COG5: variants seen among roughly 807,000 people sequenced by gnomAD.
The protein encoded by COG5 is conserved oligomeric Golgi complex subunit 5.
COG5 carries 86 observed loss-of-function variants against 110.4 expected under a neutral mutation model. That is an observed-to-expected ratio of 0.78 (90% CI 0.65 to 0.93). The LOEUF is 0.93. Among genes scored for constraint, COG5 ranks in the 40% least tolerant of loss-of-function variants. The probability of loss-of-function intolerance (pLI) is 0.00; values close to 1 mark genes in which losing one functional copy is unlikely to be tolerated. For synonymous variants in COG5, 360 were observed against 334.6 expected, an observed-to-expected ratio of 1.08 and a Z score of -0.83; for missense variants, 1,077 against 987.0, an observed-to-expected ratio of 1.09 and a Z score of -1.22.
chr7:107,203,007 C>G lies in COG5; in HGVS notation c.*509G>C, dbSNP rs1314947584. The G allele has an allele frequency of 6.6e-6, 1 of 152,424 alleles. No individual in the cohort carries two copies. The highest frequency in any genetic ancestry group is 1.5e-5 in the Non-Finnish European group (1 of 68,650). The allele number at this position is 152,424 out of a possible 1,614,324, so 9.4% of individuals were successfully genotyped here. A position where few individuals can be genotyped will look rare whatever the true frequency, so the allele number is the denominator to read the frequency against. On this transcript the variant is annotated 3_prime_UTR_variant, in exon 22 of 22. Coordinates refer to ENST00000297135, the MANE Select transcript of COG5 (RefSeq NM_006348.5). Reference sequence around the variant, plus strand: ...TTTTAATAGTGGTGTCTGTCAGGCTCCCACTCCTAGACATGTTAATTAATG... The same window carrying G: ...TTTTAATAGTGGTGTCTGTCAGGCTGCCACTCCTAGACATGTTAATTAATG...
At chr7:107,237,130 C>T (rs1801255650) in intron 17 of COG5, among the ~76,000 whole-genome samples, 1 of 152,168 alleles carries the variant, frequency 6.6e-6, no homozygotes, top group Non-Finnish European at 1.5e-5. Context: ...TTTCCCTATA[C>T]AAATTCTTGG....
At chr7:107,361,942 C>G (rs913294971) in intron 10 of COG5, 91 bp downstream of exon 10, 9 of 810,432 alleles carry the variant, frequency 1.1e-5, no homozygotes, top group East Asian at 5.3e-5. Flanking sequence ...TATGTAGCCA[C>G]TCTATAAGGT....
intron 6 of COG5, among the ~76,000 whole-genome samples, chr7:107,484,118 G>A (rs990524969): frequency 2.6e-5 from 4 of 151,862 alleles, no homozygotes; most frequent in African/African-American, 9.7e-5. Flanking sequence ...GTCTCACTAG[G>A]TTGCCCAGGC....
intron 11 of COG5, among the ~76,000 whole-genome samples, chr7:107,305,800 G>GT (rs1807663755): frequency 6.6e-6 from 1 of 152,098 alleles, no homozygotes; most frequent in Non-Finnish European, 1.5e-5. Context: ...ACAGCTGCTT[G>GT]TATCGTCAAA....
intron 8 of COG5, among the ~76,000 whole-genome samples, chr7:107,367,954 G>A (rs1489166812): frequency 6.6e-6 from 1 of 151,490 alleles, no homozygotes; most frequent in Non-Finnish European, 1.5e-5. Context: ...AAATGCAGAG[G>A]TCATATTAAA....
At chr7:107,400,434 G>C (rs1215572458) in intron 7 of COG5, among the ~76,000 whole-genome samples, 12 of 152,028 alleles carry the variant, frequency 7.9e-5, no homozygotes, top group Admixed American at 7.9e-4. Flanking sequence ...TAACACTCCA[G>C]CACAAGAGTG....
intron 16 of COG5, among the ~76,000 whole-genome samples, chr7:107,255,678 C>T (rs533777431): frequency 6.6e-6 from 1 of 152,198 alleles, no homozygotes. Flanking sequence ...AAATTTATTA[C>T]TCTTGTGTAG....
intron 14 of COG5, among the ~76,000 whole-genome samples, chr7:107,260,860 G>A (rs920311658): frequency 7.9e-5 from 12 of 152,018 alleles, no homozygotes; most frequent in African/African-American, 2.2e-4. Context: ...TGATTTTACC[G>A]CCCAGAATAT....
chr7:107,354,675 T>C (rs1468091582), intron 10 of COG5, among the ~76,000 whole-genome samples: 1 of 152,068 alleles, frequency 6.6e-6, no homozygotes, highest in Admixed American at 6.6e-5. Context: ...AGACTCCGTC[T>C]CAACAACAAC....
intron 10 of COG5, among the ~76,000 whole-genome samples, chr7:107,340,324 G>T (rs920374991): frequency 2.0e-5 from 3 of 152,168 alleles, no homozygotes; most frequent in Admixed American, 2.0e-4. Flanking sequence ...ATCAAATCAG[G>T]AAGAAACTGG....
At chr7:107,220,815 CTTTTTTTT>C (rs1168926155) in intron 19 of COG5, among the ~76,000 whole-genome samples, 1 of 123,932 alleles carries the variant, frequency 8.1e-6, no homozygotes, top group Non-Finnish European at 1.7e-5. Flanking sequence ...CTCATGCCTT[CTTTTTTTT>C]TTTTTTTTTT....
intron 11 of COG5, among the ~76,000 whole-genome samples, chr7:107,319,246 T>C (rs527386089): frequency 6.6e-6 from 1 of 152,300 alleles, no homozygotes; most frequent in South Asian, 2.1e-4. Context: ...ATTTATAACA[T>C]TTATAAGAAG....
chr7:107,281,128 T>G (rs552556346), intron 14 of COG5, among the ~76,000 whole-genome samples, 172 bp downstream of exon 14: 1 of 152,214 alleles, frequency 6.6e-6, no homozygotes, highest in South Asian at 2.1e-4. Context: ...GCCATTTTTT[T>G]GTTAACAAAT....
intron 21 of COG5, among the ~76,000 whole-genome samples, chr7:107,204,633 A>C (rs1316207278): frequency 3.3e-5 from 5 of 152,224 alleles, no homozygotes; most frequent in African/African-American, 1.2e-4. Flanking sequence ...CAAATACTGA[A>C]AATACTAATC....
At chr7:107,414,318 G>T (rs763595159) in intron 6 of COG5, among the ~76,000 whole-genome samples, 1 of 152,042 alleles carries the variant, frequency 6.6e-6, no homozygotes, top group African/African-American at 2.4e-5. Context: ...ATATCTCTTG[G>T]ATCCCTTCAT....
chr7:107,239,589 T>A (rs1392750633), intron 17 of COG5, among the ~76,000 whole-genome samples: 1 of 152,212 alleles, frequency 6.6e-6, no homozygotes, highest in Non-Finnish European at 1.5e-5. Context: ...GAACACAGAA[T>A]ATGTTTCCAT....
intron 10 of COG5, among the ~76,000 whole-genome samples, chr7:107,331,626 G>A (rs1810256839): frequency 6.6e-6 from 1 of 151,888 alleles, no homozygotes; most frequent in South Asian, 2.1e-4. Context: ...AGTAAGAGTG[G>A]GCAGCAGGAA....
At chr7:107,207,764 T>C in intron 21 of COG5, 1 of 985,368 alleles carries the variant, frequency 1.0e-6, no homozygotes, top group African/African-American at 1.7e-5. Flanking sequence ...AGTAAGTTAT[T>C]ACTCTGATTT....
intron 17 of COG5, among the ~76,000 whole-genome samples, chr7:107,247,135 A>G (rs915463686): frequency 5.3e-5 from 8 of 152,114 alleles, no homozygotes; most frequent in Non-Finnish European, 1.0e-4. Flanking sequence ...ACCAAATACT[A>G]TGTGTTCTCA....
Sources: gnomAD v4.1 joint callset for allele counts (sites outside exome capture counted in the v4.1 genomes callset) on GRCh38, gnomAD v4.1.1 for gene constraint, MANE v1.5 for transcripts, NCBI Gene and HGNC (gene_info 2026-07-23, HGNC 2026-07-21) for gene names.